Variants in KIAA1328 observed in about 807,000 individuals in gnomAD.
KIAA1328 encodes protein hinderin.
A neutral mutation model predicts 68.1 loss-of-function variants in KIAA1328; 52 were observed. That is an observed-to-expected ratio of 0.76 (90% CI 0.61 to 0.96). KIAA1328 has a LOEUF of 0.96. KIAA1328 is among the 40% of genes least tolerant of loss of function. The probability of loss-of-function intolerance (pLI) is 0.00; values close to 1 mark genes in which losing one functional copy is unlikely to be tolerated. For synonymous variants in KIAA1328, 232 were observed against 239.4 expected, an observed-to-expected ratio of 0.97 and a Z score of 0.28; for missense variants, 641 against 677.6, an observed-to-expected ratio of 0.95 and a Z score of 0.60.
At chr18:36,995,969 G>A (rs2053374959) in intron 6 of KIAA1328, among the ~76,000 whole-genome samples, 1 of 152,100 alleles carries the variant, frequency 6.6e-6, no homozygotes, top group Non-Finnish European at 1.5e-5. Context: ...GATTACTTTT[G>A]TTTATTGGTC....
At chr18:37,009,646 T>C in intron 6 of KIAA1328, among the ~76,000 whole-genome samples, 1 of 152,174 alleles carries the variant, frequency 6.6e-6, no homozygotes, top group East Asian at 1.9e-4. Flanking sequence ...CAAAGAATTA[T>C]CTGGTCCAAA....
chr18:36,832,878 C>T (rs1315130413), intron 1 of KIAA1328: 1 of 149,866 alleles, frequency 6.7e-6, no homozygotes, highest in Admixed American at 6.6e-5. Flanking sequence ...GGTCTGTTGC[C>T]CAGGCTGGAG....
intron 4 of KIAA1328, among the ~76,000 whole-genome samples, chr18:36,865,906 C>G (rs2047733667): frequency 6.6e-6 from 1 of 152,162 alleles, no homozygotes; most frequent in Non-Finnish European, 1.5e-5. Flanking sequence ...CTGGTCTGCT[C>G]CCTTGTGTGG....
At chr18:37,078,618 C>G (rs1362324437) in intron 7 of KIAA1328, among the ~76,000 whole-genome samples, 2 of 145,452 alleles carry the variant, frequency 1.4e-5, no homozygotes, top group Admixed American at 6.9e-5. Context: ...ACAATGAACT[C>G]AAACAAATTT....
At chr18:36,908,610 G>C (rs1157760321) in intron 5 of KIAA1328, among the ~76,000 whole-genome samples, 3 of 152,108 alleles carry the variant, frequency 2.0e-5, no homozygotes, top group Non-Finnish European at 4.4e-5. Flanking sequence ...AACGTGCTGG[G>C]ATTATGGGTG....
At chr18:37,009,524 C>T (rs998740911) in intron 6 of KIAA1328, among the ~76,000 whole-genome samples, 1 of 152,064 alleles carries the variant, frequency 6.6e-6, no homozygotes, top group Admixed American at 6.6e-5. Flanking sequence ...AGAAATTTGG[C>T]AATATCTGGA....
chr18:36,950,897 C>T (rs143274542), intron 5 of KIAA1328, among the ~76,000 whole-genome samples: 34 of 152,262 alleles, frequency 2.2e-4, no homozygotes, highest in African/African-American at 7.7e-4. Flanking sequence ...AAGAAAATAG[C>T]CTAACTGTTC....
intron 6 of KIAA1328, among the ~76,000 whole-genome samples, chr18:36,972,154 G>A (rs1324065711): frequency 6.6e-6 from 1 of 152,192 alleles, no homozygotes; most frequent in African/African-American, 2.4e-5. Flanking sequence ...AAAGTGCTAA[G>A]GCAGTTAAAT....
At chr18:36,950,813 GC>G (rs2051129702) in intron 5 of KIAA1328, among the ~76,000 whole-genome samples, 1 of 152,140 alleles carries the variant, frequency 6.6e-6, no homozygotes, top group African/African-American at 2.4e-5. Context: ...GAGCCAGATG[GC>G]CTTACCTCAG....
chr18:37,072,435 T>A (rs1201351508), intron 7 of KIAA1328, among the ~76,000 whole-genome samples: 1 of 152,138 alleles, frequency 6.6e-6, no homozygotes, highest in Admixed American at 6.5e-5. Context: ...TTTTTTGTCT[T>A]TAGTTTTAAG....
intron 7 of KIAA1328, among the ~76,000 whole-genome samples, chr18:37,115,933 C>T (rs1234984208): frequency 1.3e-5 from 2 of 152,090 alleles, no homozygotes; most frequent in African/African-American, 2.4e-5. Flanking sequence ...GAATAAAATA[C>T]CTAGGAATCC....
intron 5 of KIAA1328, among the ~76,000 whole-genome samples, chr18:36,921,918 G>C (rs917874211): frequency 1.3e-5 from 2 of 151,722 alleles, no homozygotes; most frequent in African/African-American, 4.8e-5. Context: ...AAGTGGTTTG[G>C]GAATTTTTGA....
chr18:37,004,115 C>T lies in KIAA1328; in HGVS notation c.576+44680C>T, dbSNP rs1248396346. Among the ~76,000 whole-genome samples the T allele has an allele frequency of 2.6e-5, 4 of 151,946 alleles. No homozygotes were observed. In the East Asian group the frequency reaches 7.7e-4, roughly 29 times the overall value. On this transcript the variant is annotated intron_variant, in intron 6 of 9. Coordinates refer to ENST00000280020, the MANE Select transcript of KIAA1328 (RefSeq NM_020776.3). ...AATTTTAGGATTGTTTTTTCTAGTT[C>T]TGTGAAGAATGATGGTGGTGTTTTG...
chr18:37,072,573 A>T (rs1379991955), intron 7 of KIAA1328, among the ~76,000 whole-genome samples: 1 of 151,938 alleles, frequency 6.6e-6, no homozygotes, highest in Non-Finnish European at 1.5e-5. Flanking sequence ...TTTTTCTAAT[A>T]CTTTTTGAAC....
At chr18:36,903,531 A>G (rs576571935) in intron 5 of KIAA1328, 25 of 152,206 alleles carry the variant, frequency 1.6e-4, no homozygotes, top group African/African-American at 5.8e-4. Context: ...GAAAATTTCC[A>G]TGGAGTTCAT....
chr18:36,927,583 CAA>C (rs56381546), intron 5 of KIAA1328, among the ~76,000 whole-genome samples: 2 of 151,468 alleles, frequency 1.3e-5, no homozygotes, highest in African/African-American at 2.4e-5. Context: ...TTCATCTCTA[CAA>C]AAAAAAATTT....
intron 7 of KIAA1328, among the ~76,000 whole-genome samples, chr18:37,130,420 C>T (rs1029147773): frequency 6.6e-6 from 1 of 152,126 alleles, no homozygotes; most frequent in African/African-American, 2.4e-5. Flanking sequence ...GAGATCAAGA[C>T]CATGCTGGCC....
intron 7 of KIAA1328, among the ~76,000 whole-genome samples, chr18:37,069,374 C>G (rs1450427103): frequency 6.6e-6 from 1 of 151,974 alleles, no homozygotes; most frequent in African/African-American, 2.4e-5. Flanking sequence ...ATTCTCATGC[C>G]TCAGCCTCCC....
chr18:37,040,263 C>T (rs188397739), intron 6 of KIAA1328, among the ~76,000 whole-genome samples: 34 of 152,326 alleles, frequency 2.2e-4, no homozygotes, highest in Admixed American at 1.6e-3. Flanking sequence ...GACTATTTGA[C>T]TACTTACGAG....
Sources: allele counts gnomAD v4.1 joint callset (sites outside exome capture counted in the v4.1 genomes callset), GRCh38; gene constraint gnomAD v4.1.1; transcripts MANE v1.5; gene names NCBI Gene and HGNC (gene_info 2026-07-23, HGNC 2026-07-21).